The following MKNK1 variants were observed in gnomAD, a reference collection of about 807,000 sequenced individuals.
The protein encoded by MKNK1 is MAP kinase-interacting serine/threonine-protein kinase 1.
In MKNK1, 30 loss-of-function variants were observed where a neutral mutation model predicts 49.3. The ratio of observed to expected loss-of-function variants is 0.61; its 90% CI spans 0.46 to 0.83. The LOEUF (loss-of-function observed/expected upper bound fraction) is 0.83. Ranked by LOEUF, MKNK1 falls within the 40% of genes least tolerant of loss-of-function variation. The pLI is 0.00. For synonymous variants in MKNK1, 176 were observed against 201.7 expected (o/e 0.87, Z 1.08); for missense variants, 423 against 524.7 (o/e 0.81, Z 1.89).
chr1:46,570,644 T>G lies in MKNK1; in HGVS notation c.457+1419A>C, dbSNP rs187052561. 1.6e-3 allele frequency among the ~76,000 whole-genome samples: 250 copies of G among 152,324 alleles called. 7 individuals are homozygous for G. In the East Asian group the frequency reaches 0.046, roughly 28 times the overall value. ...CCACAACCAACATGGCTGGCCAACA[T>G]CCGCAACAGCAGAGGGGGCAGACCT... On this transcript the variant is annotated intron_variant, in intron 7 of 12. Transcript: ENST00000371945.
chr1:46,585,744 C>T (rs1557876966), intron 2 of MKNK1: 5 of 537,938 alleles, frequency 9.3e-6, no homozygotes, highest in East Asian at 5.5e-5. Flanking sequence ...ACCCTGTTAG[C>T]GACAATTTAT....
At chr1:46,588,384 G>A (rs1321551915) in intron 2 of MKNK1, among the ~76,000 whole-genome samples, 1 of 152,096 alleles carries the variant, frequency 6.6e-6, no homozygotes, top group Non-Finnish European at 1.5e-5. Flanking sequence ...TTTTAAAAAT[G>A]TTTCTAGATT....
chr1:46,575,150 G>C (rs1455766732), intron 5 of MKNK1, 130 bp from the exon 6 acceptor site: 2 of 620,364 alleles, frequency 3.2e-6, no homozygotes, highest in East Asian at 5.6e-5. Context: ...CTTGAAATCA[G>C]AATGCTTATT....
intron 9 of MKNK1, among the ~76,000 whole-genome samples, chr1:46,563,784 G>C (rs777502739): frequency 6.6e-6 from 1 of 152,142 alleles, no homozygotes; most frequent in East Asian, 1.9e-4. Flanking sequence ...GGTGGCTCAC[G>C]CCTGTAATCC....
chr1:46,579,889 AT>A (rs59076641), intron 4 of MKNK1, among the ~76,000 whole-genome samples: 22,674 of 150,674 alleles, frequency 0.15, 4,247 homozygotes, highest in African/African-American at 0.45. Flanking sequence ...TCTTCTTTTA[AT>A]TTTTTTTTTC....
chr1:46,564,970 G>T, intron 9 of MKNK1, 71 bp downstream of exon 9: 1 of 1,454,932 alleles, frequency 6.9e-7, no homozygotes, highest in Non-Finnish European at 9.6e-7. Context: ...TTAACCCTCT[G>T]TTCTGGACCT....
chr1:46,561,369 C>T, intron 11 of MKNK1, 109 bp downstream of exon 11: 2 of 1,270,724 alleles, frequency 1.6e-6, no homozygotes, highest in Non-Finnish European at 2.1e-6. Context: ...TCCTCTTCAG[C>T]TGCACCAGCC....
chr1:46,595,279 T>C (rs1673915166), intron 1 of MKNK1, among the ~76,000 whole-genome samples: 1 of 152,046 alleles, frequency 6.6e-6, no homozygotes, highest in Non-Finnish European at 1.5e-5. Context: ...CTTTTCTCGG[T>C]GGAAAAGCCC....
In MKNK1 at chr1:46,557,522, T is replaced by C. The variant is rs1038817200; in HGVS notation, c.*1053A>G. 6.5e-6 allele frequency: 1 copy of C among 152,680 alleles called. No homozygotes were observed. The highest frequency in any genetic ancestry group is 2.4e-5 in the African/African-American group (1 of 41,460). The allele number at this position is 152,680 out of a possible 1,614,324, so 9.5% of individuals were successfully genotyped here. ...AATCTATTTTCTTTATGTAACTCAA[T>C]AGTTCCACTTATCTGAATGGCTGTA... On this transcript the variant is annotated 3_prime_UTR_variant, in exon 13 of 13. Coordinates refer to ENST00000371945, the MANE Select transcript of MKNK1 (RefSeq NM_001135553.4).
In MKNK1 at chr1:46,558,405, A is replaced by G. The variant is rs1349475873; in HGVS notation, c.*170T>C. ...TTTGGAAAAAGCTTTTTCCTCCAGG[A>G]CCCTAGGGAAATGGGGGTTGATGGG... On this transcript the variant is annotated 3_prime_UTR_variant, in exon 13 of 13. Coordinates refer to ENST00000371945, the MANE Select transcript of MKNK1 (RefSeq NM_001135553.4). 1 of 640,680 alleles carries G rather than the reference A, an allele frequency of 1.6e-6. No homozygotes were observed. Among genetic ancestry groups the G allele is most frequent in the Non-Finnish European group, 2.6e-6 (1 of 391,306 alleles). The allele number at this position is 640,680 out of a possible 1,614,324, so 39.7% of individuals were successfully genotyped here.
intron 3 of MKNK1, among the ~76,000 whole-genome samples, chr1:46,581,748 T>C (rs1671783455): frequency 6.6e-6 from 1 of 152,036 alleles, no homozygotes; most frequent in African/African-American, 2.4e-5. Context: ...CCACAGGAAA[T>C]AGAAGTAGGA....
chr1:46,560,558 C>T (rs1275968836), intron 11 of MKNK1, among the ~76,000 whole-genome samples: 1 of 152,218 alleles, frequency 6.6e-6, no homozygotes, highest in Non-Finnish European at 1.5e-5. Flanking sequence ...GGTCACTTCC[C>T]CTGTGACGCA....
At position 46,589,145 on chromosome 1, in the gene MKNK1, C is replaced by T. The variant is rs1673015328; in HGVS notation, c.-3+4968G>A. Among the ~76,000 whole-genome samples, 1 of 152,220 alleles carries T rather than the reference C, an allele frequency of 6.6e-6. No individual in the cohort carries two copies. Among genetic ancestry groups the T allele is most frequent in the Admixed American group, 6.5e-5 (1 of 15,282 alleles). On this transcript the variant is annotated intron_variant, in intron 2 of 12. Transcript: ENST00000371945. This position sits in a 1 kb window ranked among gnomAD's most constrained non-coding sequence, Gnocchi z 4.3. ...GTATAAGAGAAGACACAGTCTCTTC[C>T]CTGATGGCGTTTAAATCTGCTGCTG...
At chr1:46,567,822 A>AGG (rs1553197334) in intron 8 of MKNK1, among the ~76,000 whole-genome samples, 1 of 152,250 alleles carries the variant, frequency 6.6e-6, no homozygotes, top group Non-Finnish European at 1.5e-5. Flanking sequence ...TCTGCTTCAC[A>AGG]TAAGATTAAG....
At chr1:46,583,898 G>A (rs904260536) in intron 2 of MKNK1, among the ~76,000 whole-genome samples, 5 of 152,208 alleles carry the variant, frequency 3.3e-5, no homozygotes, top group African/African-American at 7.2e-5. Context: ...CCAAGAGCAC[G>A]GACTTGAGTG....
intron 2 of MKNK1, chr1:46,585,990 T>C: frequency 8.3e-7 from 1 of 1,205,022 alleles, no homozygotes; most frequent in Non-Finnish European, 1.1e-6. Context: ...AAGGAAAAAA[T>C]GTAGGAAGAT....
chr1:46,563,775 G>A (rs1422168365), intron 9 of MKNK1, among the ~76,000 whole-genome samples: 1 of 152,182 alleles, frequency 6.6e-6, no homozygotes, highest in Non-Finnish European at 1.5e-5. Flanking sequence ...GCCAGGCGTG[G>A]TGGCTCACGC....
chr1:46,577,331 A>C (rs1671118600), intron 4 of MKNK1, among the ~76,000 whole-genome samples: 1 of 152,108 alleles, frequency 6.6e-6, no homozygotes. Flanking sequence ...ATACAAAAAA[A>C]TTAGCCAGGC....
chr1:46,558,583 C>A lies in MKNK1; in HGVS notation c.1231G>T (p.Ala411Ser). The change falls in exon 13 of 13, where the codon GCA (alanine) becomes TCA (serine). Residue 411 changes from alanine (A) to serine (S), a missense_variant. Physicochemically the swap from Ala to Ser is moderately conservative, Grantham distance 99 (BLOSUM62 1). Transcript: ENST00000371945. The stretch of plus-strand genomic sequence containing the variant: ...GGTGTGACTGGAGCATTTCAGAGTG[C>A]TGTGGGCGGGCTCCTGTCTTCACCA... The part of the protein sequence containing the change: ...GRGEDRSPPT[A>S]L 3 of 1,608,100 alleles carry A rather than the reference C, an allele frequency of 1.9e-6. No homozygotes were observed. Among genetic ancestry groups the A allele is most frequent in the Non-Finnish European group, 2.5e-6 (3 of 1,177,198 alleles).
Sources: gnomAD v4.1 joint callset for allele counts (sites outside exome capture counted in the v4.1 genomes callset) on GRCh38, gnomAD v4.1.1 for gene constraint, Gnocchi (gnomAD v3.1) non-coding constraint, MANE v1.5 for transcripts, NCBI Gene and HGNC (gene_info 2026-07-23, HGNC 2026-07-21) for gene names.